The following CDYL2 variants were observed in gnomAD, a reference collection of about 807,000 sequenced individuals.
CDYL2 encodes chromodomain Y like 2.
In CDYL2, 23 loss-of-function variants were observed where a neutral mutation model predicts 49.4. That is an observed-to-expected ratio of 0.47 (90% CI 0.34 to 0.66). The LOEUF (loss-of-function observed/expected upper bound fraction) is 0.66, where lower values mean the gene tolerates loss of function less well. Ranked by LOEUF, CDYL2 falls within the 30% of genes least tolerant of loss-of-function variation. The pLI is 0.01. For missense variants in CDYL2, 678 were observed against 656.4 expected, an observed-to-expected ratio of 1.03 and a Z score of -0.36; for synonymous variants, 360 against 268.8, an observed-to-expected ratio of 1.34 and a Z score of -3.32.
At chr16:80,767,722 C>T (rs540564935) in intron 1 of CDYL2, among the ~76,000 whole-genome samples, 15 of 152,306 alleles carry the variant, frequency 9.8e-5, no homozygotes, top group Middle Eastern at 3.4e-3. Context: ...CTGGAGAATG[C>T]AACTGAAATG....
chr16:80,748,292 C>A (rs879852510), intron 1 of CDYL2, among the ~76,000 whole-genome samples: 3 of 147,986 alleles, frequency 2.0e-5, no homozygotes, highest in Non-Finnish European at 3.0e-5. Context: ...TTTGGGAGGC[C>A]GAGACAGGCA....
At chr16:80,672,346 CACACACAG>C (rs981410600) in intron 2 of CDYL2, among the ~76,000 whole-genome samples, 1 of 125,866 alleles carries the variant, frequency 7.9e-6, no homozygotes, top group Non-Finnish European at 1.9e-5. Context: ...CACACACACA[CACACACAG>C]AGAGAGAGAG....
At chr16:80,736,420 GA>G (rs1905533458) in intron 1 of CDYL2, 2 of 152,146 alleles carry the variant, frequency 1.3e-5, no homozygotes, top group Non-Finnish European at 2.9e-5. Flanking sequence ...TTTAATTTAC[GA>G]AGCCCTTATG....
At chr16:80,677,661 C>T (rs1909807840) in intron 2 of CDYL2, among the ~76,000 whole-genome samples, 1 of 152,004 alleles carries the variant, frequency 6.6e-6, no homozygotes, top group South Asian at 2.1e-4. Flanking sequence ...ATGGCGTGAA[C>T]TCAGGAGGCG....
At chr16:80,665,489 T>A (rs1421084157) in intron 2 of CDYL2, among the ~76,000 whole-genome samples, 2 of 131,934 alleles carry the variant, frequency 1.5e-5, no homozygotes, top group African/African-American at 5.9e-5. Context: ...GAAAAAGTAA[T>A]TGAGGTTTTT....
chr16:80,804,081 C>T (rs1908020040), intron 1 of CDYL2, 69 bp downstream of exon 1: 2 of 959,660 alleles, frequency 2.1e-6, no homozygotes, highest in Non-Finnish European at 2.5e-6. Context: ...GCCCGGTCCC[C>T]GCCGCCCGCC....
intron 2 of CDYL2, among the ~76,000 whole-genome samples, chr16:80,646,581 C>G (rs4550468): frequency 0.57 from 87,048 of 151,978 alleles, 28,270 homozygotes; most frequent in African/African-American, 0.89. Context: ...ACGAGGTCAG[C>G]TGATCAAGAC....
chr16:80,629,560 A>G (rs1907458881), intron 3 of CDYL2, among the ~76,000 whole-genome samples: 1 of 152,192 alleles, frequency 6.6e-6, no homozygotes, highest in Non-Finnish European at 1.5e-5. Flanking sequence ...ATAAGCTTTC[A>G]ATCAAGGAGA....
rs1367324951 is a variant in CDYL2 at position 80,603,551 on chromosome 16, T to C, written c.*837A>G. ...CATCTCTCTAAACTTTATTTCTACA[T>C]GGTTCATTGCTAGAATGCACCAAAC... On this transcript the variant is annotated 3_prime_UTR_variant, in exon 7 of 7. Coordinates refer to ENST00000570137, the MANE Select transcript of CDYL2 (RefSeq NM_152342.4). 1 of 152,454 alleles carries C rather than the reference T, an allele frequency of 6.6e-6. No homozygotes were observed. The highest frequency in any genetic ancestry group is 1.5e-5 in the Non-Finnish European group (1 of 68,040). 9.4% of individuals were successfully genotyped at this position (152,454 alleles called of 1,614,324 possible).
At chr16:80,629,928 A>C (rs559317582) in intron 3 of CDYL2, among the ~76,000 whole-genome samples, 1 of 152,346 alleles carries the variant, frequency 6.6e-6, no homozygotes, top group African/African-American at 2.4e-5. Context: ...GCTCCTGTGC[A>C]TACATTATCT....
intron 1 of CDYL2, among the ~76,000 whole-genome samples, chr16:80,770,867 G>A (rs187341337): frequency 3.3e-5 from 5 of 152,112 alleles, no homozygotes; most frequent in South Asian, 4.1e-4. Context: ...GAAATTAAAC[G>A]ATTAGACAGC....
chr16:80,623,788 G>A (rs1597130501), intron 3 of CDYL2, among the ~76,000 whole-genome samples: 1 of 152,164 alleles, frequency 6.6e-6, no homozygotes, highest in Non-Finnish European at 1.5e-5. Context: ...AGACTTTGGG[G>A]ACCATGTCCT....
At position 80,613,122 on chromosome 16, in the gene CDYL2, G is replaced by T. The variant is rs537204280; in HGVS notation, c.1008-286C>A. Among the ~76,000 whole-genome samples, 7 of 152,140 alleles carry T rather than the reference G, an allele frequency of 4.6e-5. No individual in the cohort carries two copies. In the East Asian group the frequency reaches 1.4e-3, roughly 29 times the overall value. ...TCTCCTTCCACTCTCAAAAGCCATA[G>T]CTTACACAGTAAGTTATATGGGCAC... On this transcript the variant is annotated intron_variant, in intron 4 of 6. Coordinates refer to ENST00000570137, the MANE Select transcript of CDYL2 (RefSeq NM_152342.4).
intron 1 of CDYL2, among the ~76,000 whole-genome samples, chr16:80,776,573 T>C (rs1359090496): frequency 1.3e-5 from 2 of 150,392 alleles, no homozygotes; most frequent in Non-Finnish European, 3.0e-5. Flanking sequence ...TTATATATTA[T>C]ATACTGTAAT....
At chr16:80,651,898 A>C (rs977360551) in intron 2 of CDYL2, among the ~76,000 whole-genome samples, 3 of 152,192 alleles carry the variant, frequency 2.0e-5, no homozygotes, top group African/African-American at 7.2e-5. Context: ...AGATGGTGGG[A>C]CTTAGGTTTT....
In CDYL2 at chr16:80,617,266, T is replaced by A. The variant is rs111559166; in HGVS notation, c.1007+3497A>T. On this transcript the variant is annotated intron_variant, in intron 4 of 6. Coordinates refer to ENST00000570137, the MANE Select transcript of CDYL2 (RefSeq NM_152342.4). Reference sequence around the variant, plus strand: ...GGGGGTGAGAGTACCACTCACGGGGTGCCAAGGCCATGCGGCATGCCTGGT... The same window carrying A: ...GGGGGTGAGAGTACCACTCACGGGGAGCCAAGGCCATGCGGCATGCCTGGT... Among the ~76,000 whole-genome samples, 428 of 152,262 alleles carry A rather than the reference T, an allele frequency of 2.8e-3. 1 individual carries two copies. The highest frequency in any genetic ancestry group is 9.6e-3 in the African/African-American group (399 of 41,556).
chr16:80,604,511 G>A lies in CDYL2; in HGVS notation c.1398C>T (p.Phe466=). Residue 466 remains phenylalanine, a synonymous_variant, in exon 7 of 7, where the codon TTC becomes TTT. Transcript: ENST00000570137. ...LEESKCLVRS[F]LKSVLEDVNE... ...TCACGTCTTCCAGCACTGATTTCAG[G>A]AAGCTCCGCACGAGGCATTTGGACT... 1 of 1,614,224 alleles carries A rather than the reference G, an allele frequency of 6.2e-7. No individual in the cohort carries two copies. The highest frequency in any genetic ancestry group is 8.5e-7 in the Non-Finnish European group (1 of 1,180,040).
intron 6 of CDYL2, among the ~76,000 whole-genome samples, chr16:80,606,981 T>C (rs534947146): frequency 6.6e-6 from 1 of 152,208 alleles, no homozygotes; most frequent in Non-Finnish European, 1.5e-5. Flanking sequence ...GTCTCGGGTA[T>C]GTCTTTATCA....
intron 2 of CDYL2, among the ~76,000 whole-genome samples, chr16:80,663,615 A>G (rs1909139495): frequency 6.6e-6 from 1 of 151,998 alleles, no homozygotes; most frequent in African/African-American, 2.4e-5. Context: ...CTTTTGAGAC[A>G]GAGTTTCATT....
Sources: gnomAD v4.1 joint callset for allele counts (sites outside exome capture counted in the v4.1 genomes callset) on GRCh38, gnomAD v4.1.1 for gene constraint, MANE v1.5 for transcripts, NCBI Gene and HGNC (gene_info 2026-07-23, HGNC 2026-07-21) for gene names.